RTL9: variants seen among roughly 807,000 people sequenced by gnomAD.
RTL9 encodes the protein retrotransposon Gag-like protein 9.
A neutral mutation model predicts 44.7 loss-of-function variants in RTL9; 19 were observed. The observed-to-expected ratio is 0.42, with a 90% confidence interval of 0.30 to 0.62. The LOEUF is 0.62. Among genes scored for constraint, RTL9 ranks in the 20% least tolerant of loss-of-function variants. The probability of loss-of-function intolerance (pLI) is 0.16; values close to 1 mark genes in which losing one functional copy is unlikely to be tolerated. For missense variants in RTL9, 1,105 were observed against 1,080.6 expected (o/e 1.02, Z -0.32); for synonymous variants, 407 against 398.9 (o/e 1.02, Z -0.24).
intron 1 of RTL9, among the ~76,000 whole-genome samples, chrX:110,430,902 A>G (rs2068791681): frequency 8.9e-6 from 1 of 112,029 alleles, no homozygotes; most frequent in Non-Finnish European, 1.9e-5. Flanking sequence ...AAAACTAAAA[A>G]TCCCTAGATG....
chrX:110,364,374 G>C lies in RTL9; in HGVS notation c.-168+5458G>C, dbSNP rs1010197561. On this transcript the variant is annotated intron_variant, in intron 1 of 2. Transcript: ENST00000520821. The stretch of plus-strand genomic sequence containing the variant: ...TTCCAGTTGGATGTAACTTTTGGGG[G>C]CGGTGACACAATTCAACCCACTATG... Among the ~76,000 whole-genome samples the C allele has an allele frequency of 2.7e-5, 3 of 111,148 alleles. No homozygotes were observed. The Admixed American group carries it at 2.9e-4, about 11-fold the overall frequency.
In RTL9 at chrX:110,452,007, T is replaced by C. The variant is rs747651676; in HGVS notation, c.1390T>C (p.Ser464Pro). 7.4e-6 allele frequency: 9 copies of C among 1,211,534 alleles called. No individual in the cohort carries two copies. In the Admixed American group the frequency reaches 1.5e-4, roughly 20 times the overall value. The change falls in exon 1 of 2, where the codon TCC (serine) becomes CCC (proline). Residue 464 changes from serine to proline, a missense_variant. By Grantham distance (74) the Ser-to-Pro change is moderately conservative. Coordinates refer to ENST00000540313, the Ensembl canonical transcript of RTL9. ...GTCAGCCACAGCCTCTAGAGTAATG[T>C]CCGCACAGTTAACAATGGCCAAAAC... is the stretch of plus-strand genomic sequence containing the variant.
At chrX:110,431,194 G>A (rs2068793478) in intron 1 of RTL9, among the ~76,000 whole-genome samples, 1 of 111,884 alleles carries the variant, frequency 8.9e-6, no homozygotes, top group Admixed American at 9.4e-5. Flanking sequence ...CTCTAACACT[G>A]CTTTGGTGGA....
At chrX:110,368,632 C>T (rs1031238799) in intron 1 of RTL9, among the ~76,000 whole-genome samples, 27 of 111,858 alleles carry the variant, frequency 2.4e-4, no homozygotes, top group African/African-American at 5.2e-4. Flanking sequence ...CTTTACTCTG[C>T]TTAATTTTTT....
upstream of RTL9, among the ~76,000 whole-genome samples, chrX:110,414,968 A>G (rs918371849): frequency 7.2e-5 from 8 of 111,601 alleles, no homozygotes; most frequent in African/African-American, 2.6e-4. Flanking sequence ...AAGCATATAT[A>G]TATATATTCT....
chrX:110,409,645 T>C (rs1344984311), intron 1 of RTL9, among the ~76,000 whole-genome samples: 1 of 101,484 alleles, frequency 9.9e-6, no homozygotes, highest in Non-Finnish European at 1.9e-5. Flanking sequence ...TTGCTGCTGC[T>C]GTTTTTTTTT....
chrX:110,438,065 G>A (rs1344900626), intron 1 of RTL9, among the ~76,000 whole-genome samples: 1 of 111,432 alleles, frequency 9.0e-6, no homozygotes, highest in East Asian at 2.8e-4. Context: ...TTCCCTTTCT[G>A]CCAACAGAGC....
chrX:110,441,704 A>G (rs1472607207), intron 1 of RTL9, among the ~76,000 whole-genome samples: 1 of 112,192 alleles, frequency 8.9e-6, no homozygotes, highest in Non-Finnish European at 1.9e-5. Context: ...CCTCATGTCA[A>G]TTCAGGCCCA....
intron 1 of RTL9, among the ~76,000 whole-genome samples, chrX:110,379,006 A>G (rs1361128454): frequency 1.8e-5 from 2 of 111,718 alleles, no homozygotes; most frequent in Non-Finnish European, 3.8e-5. Flanking sequence ...CAGCTTCTCC[A>G]TGGGGCCTGC....
intron 1 of RTL9, among the ~76,000 whole-genome samples, chrX:110,433,881 A>G (rs2068816953): frequency 8.9e-6 from 1 of 112,091 alleles, no homozygotes; most frequent in African/African-American, 3.3e-5. Context: ...TATTTTATCC[A>G]AGCTTGTGGG....
upstream of RTL9, among the ~76,000 whole-genome samples, chrX:110,418,618 C>T (rs1242306911): frequency 9.0e-6 from 1 of 111,614 alleles, no homozygotes; most frequent in Admixed American, 9.5e-5. Flanking sequence ...CCAGGCCTCC[C>T]TTCCCCAAAC....
exon 1 of RTL9, chrX:110,453,953 C>A (rs1347792969): frequency 1.7e-6 from 2 of 1,210,340 alleles, no homozygotes; most frequent in African/African-American, 3.5e-5. Context: ...ACATTAACAT[C>A]ACAGCCTCTG....
At chrX:110,445,466 G>A (rs912911380) in intron 2 of RTL9, among the ~76,000 whole-genome samples, 198 bp downstream of exon 2, 7 of 111,336 alleles carry the variant, frequency 6.3e-5, no homozygotes, top group African/African-American at 1.6e-4. Flanking sequence ...GAGCCGGTGC[G>A]CATTTTAAGT....
At chrX:110,448,324 G>T (rs1312285882), upstream of RTL9, among the ~76,000 whole-genome samples, 2 of 111,036 alleles carry the variant, frequency 1.8e-5, no homozygotes, top group Non-Finnish European at 3.8e-5. Context: ...CCCTCTGCCT[G>T]TGCTTCCATG....
At chrX:110,453,235 C>T (rs1298472530) in exon 1 of RTL9, 3 of 1,209,633 alleles carry the variant, frequency 2.5e-6, no homozygotes, top group African/African-American at 1.8e-5. Flanking sequence ...GTGACATCCA[C>T]ATCACAAATG....
intron 1 of RTL9, 134 bp downstream of exon 1, chrX:110,359,050 G>A (rs917041532): frequency 5.4e-5 from 6 of 111,577 alleles, no homozygotes; most frequent in African/African-American, 2.0e-4. Context: ...CTGGAAATAG[G>A]CATTATTATT....
At chrX:110,396,304 T>C (rs762026951) in intron 1 of RTL9, among the ~76,000 whole-genome samples, 1 of 112,153 alleles carries the variant, frequency 8.9e-6, no homozygotes, top group African/African-American at 3.2e-5. Flanking sequence ...TCACCCAGAT[T>C]CAACATCTAT....
At chrX:110,446,491 G>A (rs1189877087), upstream of RTL9, among the ~76,000 whole-genome samples, 1 of 110,470 alleles carries the variant, frequency 9.1e-6, no homozygotes, top group Admixed American at 9.6e-5. Flanking sequence ...GAACCCTAGG[G>A]AAACATATCT....
intron 1 of RTL9, among the ~76,000 whole-genome samples, chrX:110,375,546 A>T (rs902427637): frequency 2.7e-5 from 3 of 110,468 alleles, no homozygotes; most frequent in Non-Finnish European, 3.8e-5. Flanking sequence ...AGATGAATGA[A>T]TGAATGAATG....
Sources: gnomAD v4.1 joint callset for allele counts (sites outside exome capture counted in the v4.1 genomes callset) on GRCh38, gnomAD v4.1.1 for gene constraint, MANE v1.5 for transcripts, NCBI Gene and HGNC (gene_info 2026-07-23, HGNC 2026-07-21) for gene names.